CEP128: variants seen among roughly 807,000 people sequenced by gnomAD.
CEP128 encodes the protein centrosomal protein 128.
In CEP128, 132 loss-of-function variants were observed where a neutral mutation model predicts 156.7. That is an observed-to-expected ratio of 0.84 (90% CI 0.73 to 0.97). The LOEUF is 0.97. Ranked by LOEUF, CEP128 falls within the 50% of genes least tolerant of loss-of-function variation. CEP128 has a pLI of 0.00. For synonymous variants in CEP128, 469 were observed against 448.9 expected (o/e 1.04, Z -0.57); for missense variants, 1,252 against 1,281.9 (o/e 0.98, Z 0.36).
intron 23 of CEP128, among the ~76,000 whole-genome samples, chr14:80,511,653 G>T (rs558859058): frequency 1.3e-5 from 2 of 150,782 alleles, no homozygotes; most frequent in East Asian, 3.9e-4. Context: ...GTTTTCTCTT[G>T]CTTTCTGTTT....
intron 19 of CEP128, among the ~76,000 whole-genome samples, chr14:80,652,246 G>T (rs953294825): frequency 1.3e-5 from 2 of 152,016 alleles, no homozygotes; most frequent in Non-Finnish European, 2.9e-5. Flanking sequence ...AATCCTAGAA[G>T]AAAACCTAGG....
intron 19 of CEP128, among the ~76,000 whole-genome samples, chr14:80,593,902 G>GCCC (rs1232502786): frequency 1.3e-5 from 2 of 152,208 alleles, no homozygotes; most frequent in Admixed American, 1.3e-4. Flanking sequence ...ACTGCCCGAA[G>GCCC]TAATTTATAG....
intron 23 of CEP128, among the ~76,000 whole-genome samples, 159 bp from the exon 24 acceptor site, chr14:80,505,179 T>C (rs1455474185): frequency 1.3e-5 from 2 of 152,264 alleles, no homozygotes; most frequent in Non-Finnish European, 2.9e-5. Flanking sequence ...AATATGTGCA[T>C]GTTAAGGATA....
chr14:80,856,222 C>T (rs116201882), intron 9 of CEP128, among the ~76,000 whole-genome samples: 316 of 152,248 alleles, frequency 2.1e-3, no homozygotes, highest in African/African-American at 6.8e-3. Context: ...ATTAAGATTC[C>T]ATGCCCTTGC....
At chr14:80,884,986 G>A (rs531956323) in intron 8 of CEP128, among the ~76,000 whole-genome samples, 2 of 152,366 alleles carry the variant, frequency 1.3e-5, no homozygotes, top group East Asian at 3.9e-4. Flanking sequence ...ACTGAGGCTA[G>A]AGTAGGCAGT....
chr14:80,894,477 T>C (rs1889250240), intron 8 of CEP128: 4 of 379,860 alleles, frequency 1.1e-5, no homozygotes, highest in South Asian at 7.9e-5. Context: ...TGTGATGTTT[T>C]AGATATTTTA....
At chr14:80,706,921 C>T (rs1248975657) in intron 19 of CEP128, among the ~76,000 whole-genome samples, 10 of 152,012 alleles carry the variant, frequency 6.6e-5, no homozygotes, top group African/African-American at 7.2e-5. Context: ...TCAACCCATC[C>T]GTGATATTTT....
chr14:80,904,729 C>G (rs79612530), intron 6 of CEP128, 84 bp downstream of exon 6: 2 of 814,110 alleles, frequency 2.5e-6, no homozygotes, highest in Non-Finnish European at 4.3e-6. Flanking sequence ...TAAAATATAG[C>G]CTTAAAGTTC....
chr14:80,857,885 G>C (rs183703524), intron 9 of CEP128, among the ~76,000 whole-genome samples: 153 of 152,108 alleles, frequency 1.0e-3, no homozygotes, highest in African/African-American at 3.6e-3. Flanking sequence ...TTAAAGAAGA[G>C]ACTTCCATGA....
chr14:80,742,451 T>C (rs1465778958), intron 19 of CEP128, among the ~76,000 whole-genome samples: 1 of 152,156 alleles, frequency 6.6e-6, no homozygotes, highest in Non-Finnish European at 1.5e-5. Context: ...CAGTCCCTCT[T>C]TTCCTTTTAT....
At chr14:80,582,629 T>C (rs1207448850) in intron 19 of CEP128, among the ~76,000 whole-genome samples, 1 of 151,908 alleles carries the variant, frequency 6.6e-6, no homozygotes, top group Non-Finnish European at 1.5e-5. Flanking sequence ...CCCAAAAGGA[T>C]TGGACTAAGA....
upstream of CEP128, among the ~76,000 whole-genome samples, chr14:80,941,945 G>A (rs2094440219): frequency 6.6e-6 from 1 of 151,800 alleles, no homozygotes; most frequent in Non-Finnish European, 1.5e-5. Context: ...CTCTTGCCCT[G>A]CTCTATTTTT....
intron 19 of CEP128, among the ~76,000 whole-genome samples, chr14:80,678,703 T>G (rs1282174134): frequency 2.6e-5 from 4 of 152,132 alleles, no homozygotes; most frequent in African/African-American, 7.2e-5. Context: ...AGCACTTTGT[T>G]TCTCCCAAGC....
intron 19 of CEP128, among the ~76,000 whole-genome samples, chr14:80,652,114 T>C (rs1241167476): frequency 6.6e-6 from 1 of 151,852 alleles, no homozygotes; most frequent in Non-Finnish European, 1.5e-5. Flanking sequence ...GTTTAATAAA[T>C]GGTGGTGGGA....
At chr14:80,676,924 A>G (rs1226012694) in intron 19 of CEP128, among the ~76,000 whole-genome samples, 1 of 152,140 alleles carries the variant, frequency 6.6e-6, no homozygotes, top group Non-Finnish European at 1.5e-5. Flanking sequence ...ATTTACATTT[A>G]TGATTGTGAA....
chr14:80,618,849 G>C (rs1327767821), intron 19 of CEP128, among the ~76,000 whole-genome samples: 2 of 152,194 alleles, frequency 1.3e-5, no homozygotes, highest in East Asian at 3.8e-4. Flanking sequence ...TGGTCCAGCA[G>C]ACCTGCGTAT....
chr14:80,794,998 C>A (rs1360895674), intron 13 of CEP128, among the ~76,000 whole-genome samples: 1 of 152,178 alleles, frequency 6.6e-6, no homozygotes, highest in African/African-American at 2.4e-5. Context: ...CAACACAAAT[C>A]TAAAATGAGA....
intron 8 of CEP128, among the ~76,000 whole-genome samples, 191 bp from the exon 9 acceptor site, chr14:80,863,064 G>A (rs1887597205): frequency 6.6e-6 from 1 of 152,120 alleles, no homozygotes; most frequent in Admixed American, 6.5e-5. Context: ...ACAAAAGAAA[G>A]TCATCACTGA....
chr14:80,788,575 C>T (rs1457248366), intron 14 of CEP128, among the ~76,000 whole-genome samples: 2 of 152,054 alleles, frequency 1.3e-5, no homozygotes, highest in Non-Finnish European at 2.9e-5. Flanking sequence ...CTCCAACATC[C>T]TAAAGTTTTC....
Sources: gnomAD v4.1 joint callset for allele counts (sites outside exome capture counted in the v4.1 genomes callset) on GRCh38, gnomAD v4.1.1 for gene constraint, MANE v1.5 for transcripts, NCBI Gene and HGNC (gene_info 2026-07-23, HGNC 2026-07-21) for gene names.